HORMAD2: variants seen among roughly 807,000 people sequenced by gnomAD.
HORMAD2 encodes HORMA domain containing 2, also known as HORMA domain-containing protein 2.
HORMAD2 carries 45 observed loss-of-function variants against 38.8 expected under a neutral mutation model. That is an observed-to-expected ratio of 1.16 (90% CI 0.91 to 1.49). The LOEUF (loss-of-function observed/expected upper bound fraction) is 1.49, where lower values mean the gene tolerates loss of function less well. Ranked by LOEUF, HORMAD2 falls within the 40% of genes most tolerant of loss-of-function variation. The pLI is 0.00. For synonymous variants in HORMAD2, 126 were observed against 122.8 expected, an observed-to-expected ratio of 1.03 and a Z score of -0.17; for missense variants, 338 against 367.0, an observed-to-expected ratio of 0.92 and a Z score of 0.65.
chr22:30,082,024 G>C (rs1423716940), intron 1 of HORMAD2, among the ~76,000 whole-genome samples: 6 of 151,984 alleles, frequency 3.9e-5, no homozygotes, highest in African/African-American at 1.5e-4. Flanking sequence ...TTTTGTTTCA[G>C]CATCATTTGC....
chr22:30,174,613 C>T (rs1926318915), intron 10 of HORMAD2, among the ~76,000 whole-genome samples: 1 of 152,112 alleles, frequency 6.6e-6, no homozygotes, highest in South Asian at 2.1e-4. Context: ...GAGAACAAAA[C>T]TATTAAACCA....
chr22:30,109,320 G>A (rs1261335157), intron 5 of HORMAD2, among the ~76,000 whole-genome samples: 6 of 151,526 alleles, frequency 4.0e-5, no homozygotes, highest in East Asian at 3.9e-4. Flanking sequence ...CACCATGCCC[G>A]GCCCTCTCTT....
chr22:30,148,592 G>A (rs548750499), intron 10 of HORMAD2, among the ~76,000 whole-genome samples: 2 of 152,266 alleles, frequency 1.3e-5, no homozygotes, highest in South Asian at 4.1e-4. Flanking sequence ...GTGTTAATCA[G>A]CAAAGTCCTA....
chr22:30,094,379 C>T (rs114612265), intron 2 of HORMAD2, among the ~76,000 whole-genome samples: 1,561 of 152,214 alleles, frequency 0.01, 23 homozygotes, highest in African/African-American at 0.036. Flanking sequence ...AAGGGGAGAG[C>T]ACTGAGAGAA....
the HORMAD2 span, among the ~76,000 whole-genome samples, chr22:30,205,834 G>C: frequency 6.6e-6 from 1 of 152,024 alleles, no homozygotes; most frequent in Non-Finnish European, 1.5e-5. Context: ...AATGTGCACG[G>C]GAGGCTCAGC....
chr22:30,174,481 G>C (rs1207199214), intron 10 of HORMAD2, among the ~76,000 whole-genome samples: 1 of 152,124 alleles, frequency 6.6e-6, no homozygotes, highest in Non-Finnish European at 1.5e-5. Flanking sequence ...ATGAACCATT[G>C]AGAGTTCCCA....
intron 10 of HORMAD2, among the ~76,000 whole-genome samples, chr22:30,166,523 A>T (rs1925792867): frequency 6.6e-6 from 1 of 152,240 alleles, no homozygotes; most frequent in Non-Finnish European, 1.5e-5. Context: ...TTTTGAATGT[A>T]TGAATAAATG....
At chr22:30,190,592 A>G in the HORMAD2 span, among the ~76,000 whole-genome samples, 1 of 152,202 alleles carries the variant, frequency 6.6e-6, no homozygotes, top group African/African-American at 2.4e-5. Flanking sequence ...CTTCTCATGG[A>G]GGCTCACCCA....
At chr22:30,124,232 T>C (rs1922669597) in intron 10 of HORMAD2, among the ~76,000 whole-genome samples, 1 of 150,984 alleles carries the variant, frequency 6.6e-6, no homozygotes, top group Non-Finnish European at 1.5e-5. Context: ...GATTCCTTTT[T>C]GTTTTCCTTC....
chr22:30,178,710 C>CCGG (rs1386871378), downstream of HORMAD2, among the ~76,000 whole-genome samples: 1 of 152,200 alleles, frequency 6.6e-6, no homozygotes, highest in African/African-American at 2.4e-5. Context: ...CTGTTCTAGA[C>CCGG]CAGCCATTCC....
the HORMAD2 span, among the ~76,000 whole-genome samples, chr22:30,200,018 G>A: frequency 6.6e-6 from 1 of 152,120 alleles, no homozygotes; most frequent in Non-Finnish European, 1.5e-5. Context: ...CTGGGTTCAA[G>A]TGATACTCCT....
intron 6 of HORMAD2, 82 bp downstream of exon 6, chr22:30,111,898 TC>T: frequency 2.0e-6 from 2 of 984,176 alleles, no homozygotes; most frequent in South Asian, 1.7e-5. Flanking sequence ...AACAGTACTC[TC>T]CCTCTTCCTC....
At chr22:30,142,090 A>G (rs578062707) in intron 10 of HORMAD2, among the ~76,000 whole-genome samples, 2 of 152,168 alleles carry the variant, frequency 1.3e-5, no homozygotes, top group South Asian at 4.1e-4. Flanking sequence ...TCTCTACAAA[A>G]AAACAACAAA....
intron 10 of HORMAD2, among the ~76,000 whole-genome samples, chr22:30,153,840 A>G (rs1467431925): frequency 1.3e-5 from 2 of 152,226 alleles, no homozygotes; most frequent in African/African-American, 4.8e-5. Context: ...CCAGTCCATC[A>G]GTGAGTCTAG....
chr22:30,154,146 C>G (rs1924927540), intron 10 of HORMAD2, among the ~76,000 whole-genome samples: 1 of 152,116 alleles, frequency 6.6e-6, no homozygotes, highest in African/African-American at 2.4e-5. Context: ...TCTGTTTCTA[C>G]AAAAAGCTAA....
chr22:30,096,843 T>A, intron 2 of HORMAD2, among the ~76,000 whole-genome samples: 1 of 152,160 alleles, frequency 6.6e-6, no homozygotes, highest in Non-Finnish European at 1.5e-5. Context: ...CATTTGGGTA[T>A]GCTCTTTTAT....
At chr22:30,202,905 T>C in the HORMAD2 span, among the ~76,000 whole-genome samples, 1 of 152,148 alleles carries the variant, frequency 6.6e-6, no homozygotes. Flanking sequence ...GAAGTTAATC[T>C]GCCCTGAGAT....
intron 10 of HORMAD2, among the ~76,000 whole-genome samples, chr22:30,145,022 T>G (rs144938695): frequency 4.5e-4 from 69 of 152,230 alleles, no homozygotes; most frequent in African/African-American, 1.5e-3. Context: ...GTGGAGGAAA[T>G]GGTCTTGGTT....
At chr22:30,108,020 C>T (rs1420772421) in intron 5 of HORMAD2, among the ~76,000 whole-genome samples, 2 of 151,690 alleles carry the variant, frequency 1.3e-5, no homozygotes, top group Admixed American at 1.3e-4. Flanking sequence ...AGGCACGTGC[C>T]ACCATGCCTT....
Sources: gnomAD v4.1 joint callset for allele counts (sites outside exome capture counted in the v4.1 genomes callset) on GRCh38, gnomAD v4.1.1 for gene constraint, MANE v1.5 for transcripts, NCBI Gene and HGNC (gene_info 2026-07-23, HGNC 2026-07-21) for gene names.